The following ZNF829 variants were observed in gnomAD, a reference collection of about 807,000 sequenced individuals.
ZNF829 encodes zinc finger protein 829.
A neutral mutation model predicts 35.2 loss-of-function variants in ZNF829; 25 were observed. That is an observed-to-expected ratio of 0.71 (90% CI 0.52 to 0.99). ZNF829 has a LOEUF of 0.99. ZNF829 is among the 50% of genes least tolerant of loss of function. ZNF829 has a pLI of 0.00. For synonymous variants in ZNF829, 136 were observed against 163.2 expected (o/e 0.83, Z 1.27); for missense variants, 417 against 515.3 (o/e 0.81, Z 1.85).
At chr19:36,898,479 T>C (rs971399735) in intron 5 of ZNF829, among the ~76,000 whole-genome samples, 2 of 152,104 alleles carry the variant, frequency 1.3e-5, no homozygotes, top group African/African-American at 4.8e-5. Flanking sequence ...CCGACTGAAA[T>C]GCCAGTCAGT....
At chr19:36,894,962 A>C (rs1044368617) in intron 5 of ZNF829, among the ~76,000 whole-genome samples, 1 of 152,170 alleles carries the variant, frequency 6.6e-6, no homozygotes, top group African/African-American at 2.4e-5. Flanking sequence ...GCCCAAATAG[A>C]TTCAATCCAA....
intron 5 of ZNF829, chr19:36,902,079 C>A: frequency 6.5e-6 from 3 of 458,970 alleles, no homozygotes; most frequent in Non-Finnish European, 1.2e-5. Context: ...TCTGTTACCA[C>A]TTTCAAAAAT....
intron 5 of ZNF829, among the ~76,000 whole-genome samples, chr19:36,894,018 C>T (rs2073088037): frequency 6.6e-6 from 1 of 152,214 alleles, no homozygotes; most frequent in African/African-American, 2.4e-5. Context: ...GTCCTTCAAG[C>T]ACCTCAAGTT....
intron 5 of ZNF829, among the ~76,000 whole-genome samples, chr19:36,900,012 A>G (rs2073148938): frequency 6.6e-6 from 1 of 152,118 alleles, no homozygotes; most frequent in Non-Finnish European, 1.5e-5. Context: ...ACATTTAAAA[A>G]TAACTAAAAG....
intron 5 of ZNF829, among the ~76,000 whole-genome samples, chr19:36,903,985 G>A (rs897847816): frequency 1.3e-5 from 2 of 152,060 alleles, no homozygotes; most frequent in African/African-American, 2.4e-5. Context: ...TTTGAACTTG[G>A]GAAGAATATG....
At chr19:36,914,538 G>A (rs1489296630) in intron 3 of ZNF829, among the ~76,000 whole-genome samples, 8 of 152,066 alleles carry the variant, frequency 5.3e-5, no homozygotes, top group Non-Finnish European at 1.2e-4. Flanking sequence ...TTCAAATGAG[G>A]ATTTAAAAGT....
chr19:36,899,629 G>T (rs1276833053), intron 5 of ZNF829, among the ~76,000 whole-genome samples: 1 of 151,026 alleles, frequency 6.6e-6, no homozygotes, highest in Non-Finnish European at 1.5e-5. Flanking sequence ...TGTATAATTT[G>T]TATCGATAAA....
intron 5 of ZNF829, 24 bp downstream of exon 5, chr19:36,907,905 C>T (rs1486640548): frequency 6.3e-7 from 1 of 1,592,582 alleles, no homozygotes; most frequent in Admixed American, 1.7e-5. Flanking sequence ...TAGCCCTGCT[C>T]CTGAGCCATC....
Position 36,892,315 on chromosome 19 carries a change from T to C in ZNF829, c.476A>G (p.Lys159Arg), listed in dbSNP as rs777618103. 1 of 1,613,704 alleles carries C rather than the reference T, an allele frequency of 6.2e-7. No homozygotes were observed. Among genetic ancestry groups the C allele is most frequent in the African/African-American group, 1.3e-5 (1 of 74,942 alleles). Residue 159 changes from lysine (K) to arginine (R), a missense_variant, in exon 6 of 6, where the codon AAG (lysine) becomes AGG (arginine). By Grantham distance (26) the Lys-to-Arg change is conservative (BLOSUM62 2). Coordinates refer to ENST00000391711, the MANE Select transcript of ZNF829 (RefSeq NM_001037232.4). ...TMSEEKPWEC[K>R]ICGKTFNQNS... ...TTGATTAAAGGTCTTTCCACATATCTTACATTCCCATGGTTTCTCTTCACT... is the reference window on the plus strand; with the variant it reads ...TTGATTAAAGGTCTTTCCACATATCCTACATTCCCATGGTTTCTCTTCACT...
At chr19:36,898,905 A>C (rs1378612001) in intron 5 of ZNF829, among the ~76,000 whole-genome samples, 1 of 152,212 alleles carries the variant, frequency 6.6e-6, no homozygotes, top group Non-Finnish European at 1.5e-5. Flanking sequence ...AAACTACTGC[A>C]GGAAAACATA....
intron 3 of ZNF829, among the ~76,000 whole-genome samples, chr19:36,909,739 G>A (rs912946275): frequency 4.0e-5 from 6 of 151,586 alleles, no homozygotes; most frequent in Non-Finnish European, 5.9e-5. Context: ...CCTGGGAGGC[G>A]GAGGTTGCAG....
chr19:36,909,441 C>T (rs1292913785), intron 3 of ZNF829, among the ~76,000 whole-genome samples: 1 of 152,162 alleles, frequency 6.6e-6, no homozygotes, highest in African/African-American at 2.4e-5. Flanking sequence ...TTACTTGGCT[C>T]ACATTGTCTG....
chr19:36,913,961 T>C (rs2073284494), intron 3 of ZNF829, among the ~76,000 whole-genome samples: 1 of 152,222 alleles, frequency 6.6e-6, no homozygotes, highest in South Asian at 2.1e-4. Flanking sequence ...CATGCACATA[T>C]AGACACTAGG....
In ZNF829 at chr19:36,891,312, G is replaced by C. The variant is rs2146222225; in HGVS notation, c.*180C>G. On this transcript the variant is annotated 3_prime_UTR_variant, in exon 6 of 6. Coordinates refer to ENST00000391711, the MANE Select transcript of ZNF829 (RefSeq NM_001037232.4). ...TAGATTTCCAGGCTCTAAACTATGA[G>C]AGAATAAATTTCTCTTGTTTTAAGC... is the stretch of plus-strand genomic sequence containing the variant. 2 of 581,726 alleles carry C rather than the reference G, an allele frequency of 3.4e-6. No homozygotes were observed. The highest frequency in any genetic ancestry group is 6.2e-5 in the East Asian group (2 of 32,400). The allele number at this position is 581,726 out of a possible 1,614,324, so 36.0% of individuals were successfully genotyped here.
At chr19:36,892,992 T>G (rs10403877) in intron 5 of ZNF829, 15,841 of 416,160 alleles carry the variant, frequency 0.038, 1,112 homozygotes, top group African/African-American at 0.2. Flanking sequence ...ATGCGTGAGA[T>G]ATTCTAATTA....
intron 5 of ZNF829, chr19:36,892,796 A>AAT: frequency 1.8e-6 from 1 of 567,832 alleles, no homozygotes; most frequent in Non-Finnish European, 2.6e-6. Flanking sequence ...AAAAAAAAAA[A>AAT]TTTTTTTTGC....
intron 3 of ZNF829, among the ~76,000 whole-genome samples, chr19:36,913,958 A>T (rs1022136688): frequency 1.3e-5 from 2 of 152,194 alleles, no homozygotes; most frequent in Non-Finnish European, 2.9e-5. Context: ...ACCCATGCAC[A>T]TATAGACACT....
chr19:36,902,129 G>T, intron 5 of ZNF829: 6 of 281,978 alleles, frequency 2.1e-5, no homozygotes, highest in Non-Finnish European at 4.0e-5. Flanking sequence ...ATCACTGATT[G>T]TCAAATACAT....
intron 5 of ZNF829, among the ~76,000 whole-genome samples, chr19:36,903,170 C>T (rs527690196): frequency 2.0e-5 from 3 of 152,058 alleles, no homozygotes; most frequent in Admixed American, 6.5e-5. Flanking sequence ...AGATAATCCT[C>T]GAAAACCTGG....
Sources: gnomAD v4.1 joint callset for allele counts (sites outside exome capture counted in the v4.1 genomes callset) on GRCh38, gnomAD v4.1.1 for gene constraint, MANE v1.5 for transcripts, NCBI Gene and HGNC (gene_info 2026-07-23, HGNC 2026-07-21) for gene names.